Variants in NEMF observed in about 807,000 individuals in gnomAD.
NEMF encodes ribosome quality control complex subunit NEMF.
In NEMF, 89 loss-of-function variants were observed where a neutral mutation model predicts 162.2. The observed-to-expected ratio is 0.55, with a 90% CI of 0.46 to 0.65. The LOEUF (loss-of-function observed/expected upper bound fraction) is 0.65. NEMF is among the 30% of genes least tolerant of loss of function. The pLI is 0.00. For synonymous variants in NEMF, 421 were observed against 404.5 expected (o/e 1.04, Z -0.49); for missense variants, 1,133 against 1,261.9 (o/e 0.90, Z 1.55).
intron 6 of NEMF, among the ~76,000 whole-genome samples, chr14:49,835,509 G>C (rs1490872870): frequency 1.3e-5 from 2 of 152,170 alleles, no homozygotes; most frequent in African/African-American, 4.8e-5. Context: ...AATAGAGGGA[G>C]CATTCTCAAC....
At chr14:49,819,809 G>A (rs992442473) in intron 16 of NEMF, among the ~76,000 whole-genome samples, 1 of 152,136 alleles carries the variant, frequency 6.6e-6, no homozygotes, top group Admixed American at 6.5e-5. Flanking sequence ...AAATCTGTGT[G>A]TTTTCATTTG....
intron 3 of NEMF, among the ~76,000 whole-genome samples, chr14:49,848,603 G>A (rs557196404): frequency 5.8e-4 from 88 of 152,218 alleles, no homozygotes; most frequent in Admixed American, 7.8e-4. Flanking sequence ...CTGGGAGGCC[G>A]AGGCAGGCGG....
At chr14:49,794,716 A>C (rs1594732425) in intron 26 of NEMF, among the ~76,000 whole-genome samples, 1 of 96,574 alleles carries the variant, frequency 1.0e-5, no homozygotes, top group South Asian at 4.3e-4. Flanking sequence ...ATACTGCTAC[A>C]GCTTTTTTTT....
intron 6 of NEMF, among the ~76,000 whole-genome samples, chr14:49,837,193 T>C (rs1319156701): frequency 6.6e-6 from 1 of 152,202 alleles, no homozygotes; most frequent in Non-Finnish European, 1.5e-5. Flanking sequence ...GGAGAATTGC[T>C]TGAACCCGGG....
intron 6 of NEMF, 151 bp downstream of exon 6, chr14:49,837,988 G>A: frequency 1.9e-6 from 1 of 530,166 alleles, no homozygotes; most frequent in South Asian, 3.6e-5. Context: ...AACTTCATGT[G>A]GTTTAACTTC....
intron 18 of NEMF, among the ~76,000 whole-genome samples, chr14:49,809,686 C>A (rs1437619383): frequency 6.6e-6 from 1 of 151,762 alleles, no homozygotes; most frequent in African/African-American, 2.4e-5. Flanking sequence ...ATAGTAAAAC[C>A]CTGTTTCTTC....
At chr14:49,785,889 CAAA>C (rs5808514) in intron 29 of NEMF, 10 of 124,140 alleles carry the variant, frequency 8.1e-5, no homozygotes, top group Admixed American at 8.6e-5. Flanking sequence ...GACCCTGTCT[CAAA>C]AAAAAAAAAA....
At chr14:49,800,808 C>T (rs1890918859) in intron 22 of NEMF, 112 bp from the exon 23 acceptor site, 1 of 1,055,222 alleles carries the variant, frequency 9.5e-7, no homozygotes, top group Non-Finnish European at 1.4e-6. Flanking sequence ...TCCAAAAAAT[C>T]AACAGAAAAG....
intron 28 of NEMF, among the ~76,000 whole-genome samples, 178 bp downstream of exon 28, chr14:49,788,968 T>G (rs1477773789): frequency 6.6e-6 from 1 of 152,214 alleles, no homozygotes; most frequent in Non-Finnish European, 1.5e-5. Flanking sequence ...ACTACCATTA[T>G]CATGCTTAGA....
intron 3 of NEMF, among the ~76,000 whole-genome samples, chr14:49,848,031 C>CAAA (rs76205967): frequency 1.3e-5 from 1 of 79,428 alleles, no homozygotes; most frequent in South Asian, 4.4e-4. Context: ...GACTCTGTCT[C>CAAA]AAAAAAAAAA....
At chr14:49,806,246 ATATATATATATTTTTTT>A (rs1360623053) in intron 18 of NEMF, 113 bp from the exon 19 acceptor site, 11 of 14,766 alleles carry the variant, frequency 7.4e-4, no homozygotes, top group Non-Finnish European at 1.0e-3. Flanking sequence ...ATATATATAT[ATATATATATATTTTTTT>A]TTTTTTTTTT....
chr14:49,787,923 TA>T (rs1289789003), intron 28 of NEMF, among the ~76,000 whole-genome samples: 1 of 151,938 alleles, frequency 6.6e-6, no homozygotes, highest in East Asian at 1.9e-4. Flanking sequence ...AAGCTTTACA[TA>T]AAAAAAATGC....
At chr14:49,799,395 A>C in intron 25 of NEMF, 80 bp downstream of exon 25, 1 of 1,189,756 alleles carries the variant, frequency 8.4e-7, no homozygotes, top group Non-Finnish European at 1.2e-6. Flanking sequence ...TAAACAGCTA[A>C]GTAATCTGTG....
chr14:49,823,024 C>A (rs2139941884), intron 16 of NEMF, among the ~76,000 whole-genome samples: 1 of 151,766 alleles, frequency 6.6e-6, no homozygotes, highest in African/African-American at 2.4e-5. Flanking sequence ...GAAACCTCTG[C>A]CTCCCAAGTT....
At chr14:49,793,210 A>C (rs1271070738) in intron 26 of NEMF, among the ~76,000 whole-genome samples, 1 of 152,190 alleles carries the variant, frequency 6.6e-6, no homozygotes, top group Non-Finnish European at 1.5e-5. Context: ...GCAAAAAAAA[A>C]CATGGGGAAA....
rs767083503 is a variant in NEMF at position 49,834,464 on chromosome 14, G to C, written c.575-15C>G. 2.0e-6 allele frequency: 3 copies of C among 1,473,846 alleles called. No individual in the cohort carries two copies. The highest frequency in any genetic ancestry group is 1.9e-5 in the Admixed American group (1 of 52,590). 91.3% of individuals were successfully genotyped at this position (1,473,846 alleles called of 1,614,324 possible). ...TGGTCCATAGGCTATAAATGCAGAG[G>C]ATATTACTTTTAGTATTTTCCTATA... On this transcript the variant is annotated splice_polypyrimidine_tract_variant and intron_variant, in intron 6 of 32. Transcript: ENST00000298310.
chr14:49,782,240 T>C lies in NEMF; in HGVS notation c.*2396A>G. 1.8e-6 allele frequency: 1 copy of C among 565,760 alleles called. No homozygotes were observed. The highest frequency in any genetic ancestry group is 3.2e-6 in the Non-Finnish European group (1 of 314,260). 35.0% of individuals were successfully genotyped at this position (565,760 alleles called of 1,614,324 possible). On this transcript the variant is annotated 3_prime_UTR_variant, in exon 33 of 33. Transcript: ENST00000298310. ...TTGCTACTTTCCCTTAAGATTTTAC[T>C]TCTCGCCATGATGTTTTGGTCTGAA... is the stretch of plus-strand genomic sequence containing the variant.
chr14:49,851,409 A>G (rs540524092), intron 3 of NEMF, among the ~76,000 whole-genome samples, 154 bp downstream of exon 3: 1 of 152,326 alleles, frequency 6.6e-6, no homozygotes, highest in African/African-American at 2.4e-5. Context: ...TCAATTAATA[A>G]ATATTCACTT....
At chr14:49,799,400 T>C in intron 25 of NEMF, 75 bp downstream of exon 25, 1 of 1,222,604 alleles carries the variant, frequency 8.2e-7, no homozygotes, top group Non-Finnish European at 1.2e-6. Flanking sequence ...AGCTAAGTAA[T>C]CTGTGGTAGC....
Sources: gnomAD v4.1 joint callset for allele counts (sites outside exome capture counted in the v4.1 genomes callset) on GRCh38, gnomAD v4.1.1 for gene constraint, MANE v1.5 for transcripts, NCBI Gene and HGNC (gene_info 2026-07-23, HGNC 2026-07-21) for gene names.